The following PUM2 variants were observed in gnomAD, a reference collection of about 807,000 sequenced individuals.
PUM2 encodes pumilio homolog 2.
PUM2 carries 57 observed loss-of-function variants against 124.5 expected under a neutral mutation model. The observed-to-expected ratio is 0.46, with a 90% CI of 0.37 to 0.57. The LOEUF (loss-of-function observed/expected upper bound fraction) is 0.57. Ranked by LOEUF, PUM2 falls within the 20% of genes least tolerant of loss-of-function variation. PUM2 has a pLI of 0.00. For missense variants in PUM2, 1,065 were observed against 1,290.6 expected (o/e 0.83, Z 2.68); for synonymous variants, 460 against 446.1 (o/e 1.03, Z -0.39).
chr2:20,324,613 C>A (rs905187138), intron 2 of PUM2, among the ~76,000 whole-genome samples: 2 of 152,106 alleles, frequency 1.3e-5, no homozygotes, highest in African/African-American at 4.8e-5. Flanking sequence ...AGTTCAATCT[C>A]CTATAGATTA....
chr2:20,276,128 A>T lies in PUM2; in HGVS notation c.1957+2455T>A, dbSNP rs148920994. 7.2e-5 allele frequency among the ~76,000 whole-genome samples: 11 copies of T among 152,186 alleles called. No homozygotes were observed. In the East Asian group the frequency reaches 1.9e-3, roughly 27 times the overall value. On this transcript the variant is annotated intron_variant, in intron 13 of 20. Coordinates refer to ENST00000361078, the MANE Select transcript of PUM2 (RefSeq NM_015317.5). ...AGCTGCAAATTTGAACAAGTGTTTT[A>T]GATTTTTATAAAAAAATTAACACCC...
At chr2:20,261,469 G>A (rs1355089953) in intron 14 of PUM2, among the ~76,000 whole-genome samples, 1 of 138,826 alleles carries the variant, frequency 7.2e-6, no homozygotes, top group Non-Finnish European at 1.5e-5. Context: ...AAACAACTGA[G>A]TTACTGGTTT....
chr2:20,264,073 T>A (rs968715368), intron 13 of PUM2, among the ~76,000 whole-genome samples: 6 of 151,744 alleles, frequency 4.0e-5, no homozygotes, highest in African/African-American at 1.5e-4. Flanking sequence ...GCGTCGTGGC[T>A]CATGCCTGTA....
chr2:20,333,669 T>C (rs776005708), intron 1 of PUM2, among the ~76,000 whole-genome samples: 1 of 152,064 alleles, frequency 6.6e-6, no homozygotes, highest in Non-Finnish European at 1.5e-5. Context: ...TCTCAGCACT[T>C]TGGGAGGCCA....
At chr2:20,346,727 C>T (rs1032673041) in intron 1 of PUM2, among the ~76,000 whole-genome samples, 1 of 152,216 alleles carries the variant, frequency 6.6e-6, no homozygotes, top group Non-Finnish European at 1.5e-5. Context: ...TCCTTCCCTA[C>T]CGCCCCGCCA....
chr2:20,280,818 T>C (rs749780564), intron 12 of PUM2, among the ~76,000 whole-genome samples: 1 of 152,170 alleles, frequency 6.6e-6, no homozygotes, highest in African/African-American at 2.4e-5. Flanking sequence ...GAAAAAAGGC[T>C]AAATTATAAA....
At chr2:20,253,309 G>A (rs536720963) in intron 20 of PUM2, among the ~76,000 whole-genome samples, 3 of 152,210 alleles carry the variant, frequency 2.0e-5, no homozygotes, top group South Asian at 2.1e-4. Context: ...GGACTCAGGC[G>A]ATCCTCCCAT....
chr2:20,289,901 T>TACC (rs1467395792), intron 10 of PUM2, among the ~76,000 whole-genome samples: 8 of 152,268 alleles, frequency 5.3e-5, no homozygotes, highest in African/African-American at 1.9e-4. Flanking sequence ...ACCACTGATA[T>TACC]ACCAAAAGTG....
intron 13 of PUM2, among the ~76,000 whole-genome samples, chr2:20,263,733 C>CAT (rs147114961): frequency 0.02 from 3,008 of 152,228 alleles, 103 homozygotes; most frequent in African/African-American, 0.069. Context: ...GATCTAGTGT[C>CAT]ATATGCACTC....
intron 8 of PUM2, among the ~76,000 whole-genome samples, chr2:20,297,271 A>T (rs563297976): frequency 1.8e-4 from 28 of 152,298 alleles, no homozygotes; most frequent in Non-Finnish European, 3.2e-4. Context: ...GGGGTTTGTC[A>T]TTAAAATGGA....
At chr2:20,340,619 T>C (rs2149064028) in intron 1 of PUM2, among the ~76,000 whole-genome samples, 1 of 152,360 alleles carries the variant, frequency 6.6e-6, no homozygotes, top group South Asian at 2.1e-4. Flanking sequence ...TGAATTAGTC[T>C]GGGCAGCAAG....
At chr2:20,253,134 A>C (rs979016220) in intron 20 of PUM2, among the ~76,000 whole-genome samples, 3 of 152,222 alleles carry the variant, frequency 2.0e-5, no homozygotes, top group Admixed American at 6.5e-5. Flanking sequence ...AATAAGATGA[A>C]GGCAAAAAGA....
At chr2:20,349,657 T>C (rs1323261296) in intron 1 of PUM2, among the ~76,000 whole-genome samples, 1 of 152,208 alleles carries the variant, frequency 6.6e-6, no homozygotes, top group African/African-American at 2.4e-5. Context: ...TTTATTAAAA[T>C]TGTTTTCTTG....
In PUM2 at chr2:20,255,084, A is replaced by G. The variant is rs1046536503; in HGVS notation, c.2749-100T>C. ...ATTTCATCTAAAAATCCAGTAGGATAGTTAGGAGAATACAACAGCCTTTTG... is the reference window on the plus strand; with the variant it reads ...ATTTCATCTAAAAATCCAGTAGGATGGTTAGGAGAATACAACAGCCTTTTG... On this transcript the variant is annotated intron_variant, in intron 18 of 20. Coordinates refer to ENST00000361078, the MANE Select transcript of PUM2 (RefSeq NM_015317.5). 7 of 1,472,490 alleles carry G rather than the reference A, an allele frequency of 4.8e-6. No homozygotes were observed. The African/African-American group carries it at 7.1e-5, about 15-fold the overall frequency. The allele number at this position is 1,472,490 out of a possible 1,614,324, so 91.2% of individuals were successfully genotyped here.
intron 7 of PUM2, 48 bp downstream of exon 7, chr2:20,307,930 G>C: frequency 1.8e-5 from 28 of 1,584,826 alleles, no homozygotes; most frequent in Non-Finnish European, 2.4e-5. Context: ...AAACATCCTA[G>C]ACATTTTAAC....
chr2:20,286,134 GGA>G (rs1330393959), intron 10 of PUM2, among the ~76,000 whole-genome samples: 1 of 152,172 alleles, frequency 6.6e-6, no homozygotes, highest in Non-Finnish European at 1.5e-5. Flanking sequence ...AGAGTTTTGA[GGA>G]GAGGAGTGAA....
intron 10 of PUM2, among the ~76,000 whole-genome samples, chr2:20,290,259 G>T (rs936051769): frequency 1.3e-5 from 2 of 152,102 alleles, no homozygotes; most frequent in African/African-American, 4.8e-5. Context: ...AAACATTAGC[G>T]GCAAACTTCT....
At chr2:20,291,231 G>T (rs982880443) in intron 9 of PUM2, among the ~76,000 whole-genome samples, 1 of 152,230 alleles carries the variant, frequency 6.6e-6, no homozygotes, top group Non-Finnish European at 1.5e-5. Flanking sequence ...CTGCCACCTT[G>T]TGGAAGACAT....
intron 7 of PUM2, among the ~76,000 whole-genome samples, chr2:20,304,293 G>C (rs1677695723): frequency 6.6e-6 from 1 of 152,086 alleles, no homozygotes; most frequent in South Asian, 2.1e-4. Context: ...TTGTACTCTA[G>C]GAACTCTCCA....
Sources: gnomAD v4.1 joint callset for allele counts (sites outside exome capture counted in the v4.1 genomes callset) on GRCh38, gnomAD v4.1.1 for gene constraint, MANE v1.5 for transcripts, NCBI Gene and HGNC (gene_info 2026-07-23, HGNC 2026-07-21) for gene names.